GRHL2: variants seen among roughly 807,000 people sequenced by gnomAD.
GRHL2 encodes the protein grainyhead like transcription factor 2.
GRHL2 carries 21 observed loss-of-function variants against 83.8 expected under a neutral mutation model. The observed-to-expected ratio is 0.25, with a 90% CI of 0.18 to 0.36. GRHL2 has a LOEUF of 0.36. Among genes scored for constraint, GRHL2 ranks in the 10% least tolerant of loss-of-function variants. GRHL2 has a pLI of 1.00. For synonymous variants in GRHL2, 280 were observed against 278.9 expected, an observed-to-expected ratio of 1.00 and a Z score of -0.04; for missense variants, 623 against 781.8, an observed-to-expected ratio of 0.80 and a Z score of 2.42.
At chr8:101,674,012 G>A (rs998355026), downstream of GRHL2, among the ~76,000 whole-genome samples, 1 of 151,954 alleles carries the variant, frequency 6.6e-6, no homozygotes, top group African/African-American at 2.4e-5. Flanking sequence ...AAACCAACGA[G>A]AACAAAGACA....
At chr8:101,523,058 C>T (rs1810722902) in intron 1 of GRHL2, among the ~76,000 whole-genome samples, 1 of 151,644 alleles carries the variant, frequency 6.6e-6, no homozygotes. Context: ...TACAGGCACC[C>T]GCCACCATGC....
chr8:101,636,724 T>TATAC, intron 11 of GRHL2, 173 bp from the exon 12 acceptor site: 1 of 482,426 alleles, frequency 2.1e-6, no homozygotes, highest in South Asian at 3.0e-5. Context: ...TCCTTAGAAA[T>TATAC]ACACACACAC....
rs67985027 is a variant in GRHL2 at position 101,586,065 on chromosome 8, C to CTT, written c.1003+8570_1003+8571dup. 1.7e-3 allele frequency among the ~76,000 whole-genome samples: 161 copies of CTT among 94,308 alleles called. 9 individuals carry two copies. In the South Asian group the frequency reaches 0.018, roughly 11 times the overall value. 61.9% of individuals were successfully genotyped at this position (94,308 alleles called of 152,430 possible). On this transcript the variant is annotated intron_variant, in intron 7 of 15. Transcript: ENST00000646743. Reference sequence around the variant, plus strand: ...TCTTCTTTCCTTCCACCTCATGTTTCTTTTTTTTTTTTTTTTTTTTTTTTT... The same window carrying CTT: ...TCTTCTTTCCTTCCACCTCATGTTTCTTTTTTTTTTTTTTTTTTTTTTTTTTT...
intron 11 of GRHL2, among the ~76,000 whole-genome samples, chr8:101,633,057 A>C (rs1355796978): frequency 6.6e-6 from 1 of 152,216 alleles, no homozygotes; most frequent in Non-Finnish European, 1.5e-5. Flanking sequence ...TCAGTGGAAA[A>C]AAATGTAGAA....
chr8:101,563,729 TG>T (rs1251124912), intron 4 of GRHL2, among the ~76,000 whole-genome samples: 1 of 152,098 alleles, frequency 6.6e-6, no homozygotes, highest in Non-Finnish European at 1.5e-5. Context: ...TGTTTTTTTT[TG>T]TTTTTTTGTT....
intron 1 of GRHL2, among the ~76,000 whole-genome samples, chr8:101,507,251 G>A (rs1810359404): frequency 6.8e-6 from 1 of 146,828 alleles, no homozygotes; most frequent in African/African-American, 2.5e-5. Flanking sequence ...ATTTAAAAAT[G>A]TTCAGAGGTT....
At chr8:101,630,407 T>C (rs1291758332) in intron 9 of GRHL2, among the ~76,000 whole-genome samples, 1 of 152,236 alleles carries the variant, frequency 6.6e-6, no homozygotes, top group East Asian at 1.9e-4. Context: ...GTTTTTAAAA[T>C]TTGAACCATT....
At chr8:101,531,878 G>A (rs988241075) in intron 1 of GRHL2, among the ~76,000 whole-genome samples, 6 of 152,092 alleles carry the variant, frequency 3.9e-5, no homozygotes, top group African/African-American at 1.4e-4. Flanking sequence ...TTTGCAATCA[G>A]TATCTAAAAC....
rs769153081 is a variant in GRHL2, at chr8:101,631,735, C to T, written c.1345+11C>T. ...CTCAATGCAACAGCTGTGAGTTTCACTGAGACTAATGTTGCTTTCTAAAGA... is the reference window on the plus strand; with the variant it reads ...CTCAATGCAACAGCTGTGAGTTTCATTGAGACTAATGTTGCTTTCTAAAGA... On this transcript the variant is annotated intron_variant, in intron 10 of 15. Coordinates refer to ENST00000646743, the MANE Select transcript of GRHL2 (RefSeq NM_024915.4). 6.2e-7 allele frequency: 1 copy of T among 1,604,858 alleles called. No homozygotes were observed. Among genetic ancestry groups the T allele is most frequent in the Admixed American group, 1.7e-5 (1 of 59,948 alleles).
At chr8:101,597,346 C>CAT (rs1294576221) in intron 7 of GRHL2, among the ~76,000 whole-genome samples, 1 of 152,144 alleles carries the variant, frequency 6.6e-6, no homozygotes, top group Admixed American at 6.6e-5. Flanking sequence ...TAGAAATAGG[C>CAT]ATGCAACTAT....
chr8:101,607,282 C>G (rs1014998420), intron 8 of GRHL2, among the ~76,000 whole-genome samples: 4 of 152,218 alleles, frequency 2.6e-5, no homozygotes, highest in African/African-American at 9.6e-5. Context: ...CTGCTGACCT[C>G]CACTGCTGGA....
At chr8:101,631,098 C>G (rs1279887267) in intron 9 of GRHL2, among the ~76,000 whole-genome samples, 2 of 152,090 alleles carry the variant, frequency 1.3e-5, no homozygotes, top group Non-Finnish European at 2.9e-5. Flanking sequence ...AAACAAAAAC[C>G]ATGCTTACAT....
intron 6 of GRHL2, among the ~76,000 whole-genome samples, chr8:101,574,435 G>A (rs1350351542): frequency 2.6e-5 from 4 of 152,248 alleles, no homozygotes; most frequent in Admixed American, 6.5e-5. Flanking sequence ...AGAAGGGAGA[G>A]GCCCGGTAAT....
downstream of GRHL2, among the ~76,000 whole-genome samples, chr8:101,674,150 A>G (rs1814253189): frequency 6.6e-6 from 1 of 152,226 alleles, no homozygotes; most frequent in Admixed American, 6.5e-5. Flanking sequence ...TAAAAGAATT[A>G]GAAAAGCAAG....
chr8:101,495,549 CA>C (rs1206585095), intron 1 of GRHL2, among the ~76,000 whole-genome samples: 2 of 152,096 alleles, frequency 1.3e-5, no homozygotes, highest in Admixed American at 6.6e-5. Context: ...ACAAGTGAAG[CA>C]ATGCTAGATT....
At chr8:101,607,043 C>T (rs759283698) in intron 8 of GRHL2, among the ~76,000 whole-genome samples, 35 of 152,194 alleles carry the variant, frequency 2.3e-4, no homozygotes, top group South Asian at 2.1e-4. Flanking sequence ...GGCTTGTATT[C>T]GGTACCAAAT....
intron 7 of GRHL2, among the ~76,000 whole-genome samples, chr8:101,581,222 G>C (rs1381608894): frequency 6.6e-6 from 1 of 152,176 alleles, no homozygotes; most frequent in Non-Finnish European, 1.5e-5. Flanking sequence ...TTCTGACATT[G>C]GTGGAAGCCA....
rs1197589957 is a variant in GRHL2, at chr8:101,558,599, C to A, written c.465C>A (p.Ile155=). ...CTGCCATCATCCCGGTGTCGGGAATCACGGTGGTGAAAGCTGAAGATTTCA... is the reference window on the plus strand; with the variant it reads ...CTGCCATCATCCCGGTGTCGGGAATAACGGTGGTGAAAGCTGAAGATTTCA... ...ESSAIIPVSG[I]TVVKAEDFTP... Residue 155 remains isoleucine, a synonymous_variant, in exon 4 of 16, where the codon ATC becomes ATA. Coordinates refer to ENST00000646743, the MANE Select transcript of GRHL2 (RefSeq NM_024915.4). The A allele has an allele frequency of 8.1e-6, 13 of 1,614,046 alleles. No individual in the cohort carries two copies. The highest frequency in any genetic ancestry group is 9.3e-6 in the Non-Finnish European group (11 of 1,180,028).
rs569369436 is a variant in GRHL2 at position 101,612,270 on chromosome 8, G to A, written c.1099-7269G>A. Among the ~76,000 whole-genome samples, 35 of 151,158 alleles carry A rather than the reference G, an allele frequency of 2.3e-4. 4 individuals are homozygous for A. In the Middle Eastern group the frequency reaches 0.014, roughly 59 times the overall value. On this transcript the variant is annotated intron_variant, in intron 8 of 15. Coordinates refer to ENST00000646743, the MANE Select transcript of GRHL2 (RefSeq NM_024915.4). ...CTCCCAAAGTGCTGGGATTATAGGCGTGAGCCACCATGCCTGGCCTTCTCT... is the reference window on the plus strand; with the variant it reads ...CTCCCAAAGTGCTGGGATTATAGGCATGAGCCACCATGCCTGGCCTTCTCT...
Sources: allele counts gnomAD v4.1 joint callset (sites outside exome capture counted in the v4.1 genomes callset), GRCh38; gene constraint gnomAD v4.1.1; transcripts MANE v1.5; gene names NCBI Gene and HGNC (gene_info 2026-07-23, HGNC 2026-07-21).